TTLL5: variants seen among roughly 807,000 people sequenced by gnomAD.
The protein encoded by TTLL5 is tubulin tyrosine ligase like 5, also known as tubulin polyglutamylase TTLL5.
A neutral mutation model predicts 168.4 loss-of-function variants in TTLL5; 132 were observed. The ratio of observed to expected loss-of-function variants is 0.78; its 90% CI spans 0.68 to 0.91. TTLL5 has a LOEUF of 0.91. Among genes scored for constraint, TTLL5 ranks in the 40% least tolerant of loss-of-function variants. The pLI is 0.00. For missense variants in TTLL5, 1,545 were observed against 1,581.5 expected (o/e 0.98, Z 0.39); for synonymous variants, 546 against 558.6 (o/e 0.98, Z 0.32).
At chr14:75,756,726 G>T (rs573064073) in intron 18 of TTLL5, among the ~76,000 whole-genome samples, 5 of 151,858 alleles carry the variant, frequency 3.3e-5, no homozygotes, top group African/African-American at 1.2e-4. Flanking sequence ...CAAGCTGATC[G>T]CGAACTCTTG....
At position 75,707,722 on chromosome 14, in the gene TTLL5, G is replaced by T; in HGVS notation, c.740+15G>T. The T allele has an allele frequency of 6.2e-7, 1 of 1,608,204 alleles. No homozygotes were observed. Among genetic ancestry groups the T allele is most frequent in the Non-Finnish European group, 8.5e-7 (1 of 1,175,356 alleles). Reference sequence around the variant, plus strand: ...GGATTGGCTAGGTAAGAAGCTGTTTGGGGGTGAAGGGGTTGGGTGGGTATA... The same window carrying T: ...GGATTGGCTAGGTAAGAAGCTGTTTTGGGGTGAAGGGGTTGGGTGGGTATA... On this transcript the variant is annotated intron_variant, in intron 9 of 31. Coordinates refer to ENST00000298832, the MANE Select transcript of TTLL5 (RefSeq NM_015072.5).
chr14:75,807,811 T>C (rs1035019379), intron 27 of TTLL5, among the ~76,000 whole-genome samples: 1 of 152,200 alleles, frequency 6.6e-6, no homozygotes, highest in Non-Finnish European at 1.5e-5. Context: ...TCCATGATGT[T>C]GCTACAGAGT....
At chr14:75,748,488 G>GTGGTGCAGATAT (rs967362555) in intron 17 of TTLL5, among the ~76,000 whole-genome samples, 1 of 152,112 alleles carries the variant, frequency 6.6e-6, no homozygotes, top group Non-Finnish European at 1.5e-5. Flanking sequence ...AAGGACAGCT[G>GTGGTGCAGATAT]TGGTGCAGAT....
chr14:75,926,467 G>C (rs2034074178), intron 31 of TTLL5, among the ~76,000 whole-genome samples: 1 of 152,104 alleles, frequency 6.6e-6, no homozygotes, highest in South Asian at 2.1e-4. Flanking sequence ...AATTTGGCAT[G>C]TTTTTGCAGT....
chr14:75,858,090 A>G (rs1206034759), intron 28 of TTLL5, among the ~76,000 whole-genome samples: 9 of 152,196 alleles, frequency 5.9e-5, no homozygotes, highest in Admixed American at 5.9e-4. Flanking sequence ...AAGTGCTATT[A>G]TTGGACCTGG....
At chr14:75,686,760 C>T (rs1885090223) in intron 5 of TTLL5, among the ~76,000 whole-genome samples, 1 of 152,152 alleles carries the variant, frequency 6.6e-6, no homozygotes, top group African/African-American at 2.4e-5. Flanking sequence ...TCTGTAGATA[C>T]CTGTGGTATA....
At chr14:75,745,408 C>A in intron 16 of TTLL5, 82 bp from the exon 17 acceptor site, 2 of 1,407,036 alleles carry the variant, frequency 1.4e-6, no homozygotes, top group South Asian at 2.4e-5. Flanking sequence ...ATTCTTGGGT[C>A]ATAACTATCT....
intron 27 of TTLL5, among the ~76,000 whole-genome samples, chr14:75,800,688 T>C (rs1278261036): frequency 6.6e-6 from 1 of 152,158 alleles, no homozygotes; most frequent in Admixed American, 6.5e-5. Context: ...CTTCTTCCCC[T>C]AGTAGGGATG....
At chr14:75,760,847 G>A (rs951202396) in intron 18 of TTLL5, among the ~76,000 whole-genome samples, 2 of 151,996 alleles carry the variant, frequency 1.3e-5, no homozygotes, top group African/African-American at 2.4e-5. Flanking sequence ...GGGCTTGGCA[G>A]TGTTTTTAGA....
At chr14:75,883,524 G>C (rs2031931778) in intron 30 of TTLL5, among the ~76,000 whole-genome samples, 2 of 152,188 alleles carry the variant, frequency 1.3e-5, no homozygotes. Flanking sequence ...CTGTGTTTTT[G>C]TGTCGCAGAC....
intron 31 of TTLL5, among the ~76,000 whole-genome samples, chr14:75,908,252 C>T (rs1043308414): frequency 1.4e-4 from 21 of 152,234 alleles, no homozygotes; most frequent in Admixed American, 9.2e-4. Flanking sequence ...TCCTATGACA[C>T]GACTGTCACT....
chr14:75,929,829 ATC>A, intron 31 of TTLL5, among the ~76,000 whole-genome samples: 1 of 152,198 alleles, frequency 6.6e-6, no homozygotes, highest in East Asian at 1.9e-4. Flanking sequence ...GCTGATTAGT[ATC>A]TCGTCACTTT....
At chr14:75,762,338 TGA>T (rs1481107927) in intron 18 of TTLL5, among the ~76,000 whole-genome samples, 1 of 152,122 alleles carries the variant, frequency 6.6e-6, no homozygotes, top group Non-Finnish European at 1.5e-5. Context: ...GAGGTTGCAG[TGA>T]ATCGAGATGG....
Position 75,914,865 on chromosome 14 carries a change from C to T in TTLL5, c.3823+12641C>T, listed in dbSNP as rs559276573. Among the ~76,000 whole-genome samples, 11 of 152,232 alleles carry T rather than the reference C, an allele frequency of 7.2e-5. No individual in the cohort carries two copies. The South Asian group carries it at 1.2e-3, about 17-fold the overall frequency. On this transcript the variant is annotated intron_variant, in intron 31 of 31. Coordinates refer to ENST00000298832, the MANE Select transcript of TTLL5 (RefSeq NM_015072.5). ...GTCTCGATCTCCTGACCTCGTGATC[C>T]GCCCACCTTGGCCTCCCAAAGTGCT...
chr14:75,679,717 T>C (rs1054968892), intron 3 of TTLL5, among the ~76,000 whole-genome samples: 1 of 152,216 alleles, frequency 6.6e-6, no homozygotes, highest in Non-Finnish European at 1.5e-5. Flanking sequence ...TTTCCCTTTT[T>C]TGACATTGCA....
intron 17 of TTLL5, among the ~76,000 whole-genome samples, chr14:75,748,685 G>C (rs1271953900): frequency 6.6e-6 from 1 of 152,210 alleles, no homozygotes; most frequent in Non-Finnish European, 1.5e-5. Flanking sequence ...AAAAGATAAA[G>C]CTAAATTGTT....
At chr14:75,731,685 C>G (rs11849312) in intron 12 of TTLL5, among the ~76,000 whole-genome samples, 2,904 of 152,258 alleles carry the variant, frequency 0.019, 82 homozygotes, top group African/African-American at 0.066. Context: ...CACCTGTGCT[C>G]TGCTACCACT....
intron 3 of TTLL5, among the ~76,000 whole-genome samples, chr14:75,681,149 A>G (rs1289816560): frequency 1.3e-5 from 2 of 152,150 alleles, no homozygotes; most frequent in East Asian, 1.9e-4. Flanking sequence ...GTGAAGGTCT[A>G]TTAACTACTA....
intron 31 of TTLL5, among the ~76,000 whole-genome samples, chr14:75,919,197 CAAA>C (rs10655974): frequency 3.6e-4 from 20 of 56,106 alleles, no homozygotes; most frequent in African/African-American, 1.0e-3. Context: ...AAGACCGTCT[CAAA>C]AAAAAAAAAA....
Sources: gnomAD v4.1 joint callset for allele counts (sites outside exome capture counted in the v4.1 genomes callset) on GRCh38, gnomAD v4.1.1 for gene constraint, MANE v1.5 for transcripts, NCBI Gene and HGNC (gene_info 2026-07-23, HGNC 2026-07-21) for gene names.